Variants in PAG1 observed in about 807,000 individuals in gnomAD.
The protein encoded by PAG1 is phosphoprotein membrane anchor with glycosphingolipid microdomains 1, also known as phosphoprotein associated with glycosphingolipid-enriched microdomains 1.
Under a neutral mutation model 31.7 loss-of-function variants are expected in PAG1, and 23 were observed. The observed-to-expected ratio is 0.73, with a 90% CI of 0.52 to 1.03. The LOEUF (loss-of-function observed/expected upper bound fraction) is 1.03, where lower values mean the gene tolerates loss of function less well. Ranked by LOEUF, PAG1 falls within the 50% of genes least tolerant of loss-of-function variation. PAG1 has a pLI of 0.00. For missense variants in PAG1, 473 were observed against 540.7 expected (o/e 0.87, Z 1.24); for synonymous variants, 214 against 210.3 (o/e 1.02, Z -0.15).
At chr8:81,059,167 A>G (rs1030691044) in intron 2 of PAG1, among the ~76,000 whole-genome samples, 2 of 152,154 alleles carry the variant, frequency 1.3e-5, no homozygotes, top group South Asian at 4.1e-4. Context: ...CAGATTACTT[A>G]TAATACTTAA....
chr8:81,100,303 T>C (rs561945497), intron 1 of PAG1, among the ~76,000 whole-genome samples: 1 of 152,332 alleles, frequency 6.6e-6, no homozygotes, highest in East Asian at 1.9e-4. Context: ...ATGATTACAT[T>C]ATATGCAATG....
At chr8:81,063,938 C>T (rs980732225) in intron 2 of PAG1, among the ~76,000 whole-genome samples, 1 of 152,088 alleles carries the variant, frequency 6.6e-6, no homozygotes, top group African/African-American at 2.4e-5. Flanking sequence ...TAGTAAGTAC[C>T]AGTATGTCAA....
At position 80,976,760 on chromosome 8, in the gene PAG1, A is replaced by C. The variant is rs1358743094; in HGVS notation, c.1083T>G (p.Thr361=). 6.2e-7 allele frequency: 1 copy of C among 1,614,174 alleles called. No homozygotes were observed. The highest frequency in any genetic ancestry group is 1.1e-5 in the South Asian group (1 of 91,086). ...SPSSCNDLYA[T]VKDFEKTPNS... The stretch of plus-strand genomic sequence containing the variant: ...TTGGAGTTTTTTCGAAGTCTTTAAC[A>C]GTAGCATAGAGATCATTACAGGAGG... Residue 361 remains threonine (T), a synonymous_variant, in exon 9 of 9, where the codon ACT becomes ACG. Coordinates refer to ENST00000220597, the MANE Select transcript of PAG1 (RefSeq NM_018440.4).
intron 3 of PAG1, among the ~76,000 whole-genome samples, chr8:80,997,646 A>G (rs1807706872): frequency 6.6e-6 from 1 of 152,244 alleles, no homozygotes; most frequent in Non-Finnish European, 1.5e-5. Context: ...AGGACCATTT[A>G]TTTTAATTGT....
intron 5 of PAG1, among the ~76,000 whole-genome samples, chr8:80,989,188 A>G (rs945304360): frequency 6.6e-6 from 1 of 152,160 alleles, no homozygotes; most frequent in African/African-American, 2.4e-5. Context: ...TTTCCATCCA[A>G]TGCAGCTCAT....
chr8:81,073,108 TA>T (rs1809120837), intron 1 of PAG1, among the ~76,000 whole-genome samples: 1 of 152,254 alleles, frequency 6.6e-6, no homozygotes, highest in Admixed American at 6.5e-5. Context: ...TGTGCCATCT[TA>T]GGACATTTCC....
chr8:81,104,850 G>A (rs2131128332), intron 1 of PAG1, among the ~76,000 whole-genome samples: 1 of 152,136 alleles, frequency 6.6e-6, no homozygotes, highest in East Asian at 1.9e-4. Context: ...TACCCAGAGT[G>A]ATCATTCTAA....
At chr8:81,108,965 T>C (rs903321645) in intron 1 of PAG1, among the ~76,000 whole-genome samples, 1 of 152,228 alleles carries the variant, frequency 6.6e-6, no homozygotes, top group African/African-American at 2.4e-5. Flanking sequence ...TGTGGATTGA[T>C]TACTGCTGCC....
At position 81,057,293 on chromosome 8, in the gene PAG1, C is replaced by T. The variant is rs140232308; in HGVS notation, c.-175+12819G>A. On this transcript the variant is annotated intron_variant, in intron 2 of 8. Transcript: ENST00000220597. ...CACGTATGTTCATTGTGGCACTATT[C>T]GCACTAGCAAAGACTTGGAACCAAC... 8.5e-3 allele frequency among the ~76,000 whole-genome samples: 1,290 copies of T among 152,192 alleles called. 17 individuals are homozygous for T. The highest frequency in any genetic ancestry group is 0.028 in the African/African-American group (1,167 of 41,496).
chr8:80,989,612 A>G (rs2130472658), intron 5 of PAG1, among the ~76,000 whole-genome samples: 1 of 152,248 alleles, frequency 6.6e-6, no homozygotes, highest in South Asian at 2.1e-4. Context: ...ATGGTGGATG[A>G]GGAAGAAGGC....
intron 2 of PAG1, among the ~76,000 whole-genome samples, chr8:81,030,846 T>C (rs1042695172): frequency 2.0e-5 from 3 of 152,038 alleles, no homozygotes; most frequent in South Asian, 2.1e-4. Context: ...TAAGACACCA[T>C]GACAAGTGCA....
intron 3 of PAG1, among the ~76,000 whole-genome samples, chr8:81,006,753 G>A (rs1179200955): frequency 6.6e-6 from 1 of 152,118 alleles, no homozygotes; most frequent in Non-Finnish European, 1.5e-5. Flanking sequence ...AGTATAATGT[G>A]AAGAGTTTTA....
intron 2 of PAG1, among the ~76,000 whole-genome samples, chr8:81,054,833 A>G (rs1808789250): frequency 6.6e-6 from 1 of 152,190 alleles, no homozygotes; most frequent in Non-Finnish European, 1.5e-5. Context: ...ATTCCAGCCC[A>G]AGGAGTCGGC....
intron 1 of PAG1, among the ~76,000 whole-genome samples, chr8:81,106,031 T>C (rs1186190427): frequency 6.6e-6 from 1 of 152,142 alleles, no homozygotes; most frequent in East Asian, 1.9e-4. Flanking sequence ...AAGCTGTTAG[T>C]GACCAATTTT....
At chr8:81,089,852 C>T (rs2131058795) in intron 1 of PAG1, among the ~76,000 whole-genome samples, 1 of 152,208 alleles carries the variant, frequency 6.6e-6, no homozygotes, top group East Asian at 1.9e-4. Context: ...CCAGCATGCT[C>T]ATTTAAAAAA....
At chr8:81,108,371 G>A (rs1312552306) in intron 1 of PAG1, among the ~76,000 whole-genome samples, 1 of 152,170 alleles carries the variant, frequency 6.6e-6, no homozygotes, top group African/African-American at 2.4e-5. Context: ...TGCAACTATG[G>A]TATTGTGTCC....
chr8:81,096,812 C>T (rs372551391), intron 1 of PAG1, among the ~76,000 whole-genome samples: 1 of 152,152 alleles, frequency 6.6e-6, no homozygotes, highest in East Asian at 1.9e-4. Context: ...TAAGTAAAGG[C>T]CTTGCCTGGA....
chr8:81,081,863 A>G (rs933270333), intron 1 of PAG1, among the ~76,000 whole-genome samples: 1 of 152,222 alleles, frequency 6.6e-6, no homozygotes, highest in Non-Finnish European at 1.5e-5. Flanking sequence ...TTTGACTATT[A>G]CAAATAAGGT....
rs189024719 is a variant in PAG1, at chr8:81,023,913, A to C, written c.-81+6083T>G. On this transcript the variant is annotated intron_variant, in intron 3 of 8. Coordinates refer to ENST00000220597, the MANE Select transcript of PAG1 (RefSeq NM_018440.4). ...AATTTTGACCAGATGACTGCAAATG[A>C]TAATCGTCACAACATCAGTTGCTTC... 1.6e-3 allele frequency among the ~76,000 whole-genome samples: 248 copies of C among 152,322 alleles called. 1 individual carries two copies. Among genetic ancestry groups the C allele is most frequent in the African/African-American group, 5.7e-3 (237 of 41,570 alleles).
Sources: allele counts gnomAD v4.1 joint callset (sites outside exome capture counted in the v4.1 genomes callset), GRCh38; gene constraint gnomAD v4.1.1; transcripts MANE v1.5; gene names NCBI Gene and HGNC (gene_info 2026-07-23, HGNC 2026-07-21).